The following CMTR1 variants were observed in gnomAD, a reference collection of about 807,000 sequenced individuals.
CMTR1 encodes the protein cap methyltransferase 1.
In CMTR1, 39 loss-of-function variants were observed where a neutral mutation model predicts 107.0. That is an observed-to-expected ratio of 0.36 (90% CI 0.28 to 0.48). CMTR1 has a LOEUF of 0.48. Among genes scored for constraint, CMTR1 ranks in the 20% least tolerant of loss-of-function variants. CMTR1 has a pLI of 0.99. For missense variants in CMTR1, 672 were observed against 1,064.9 expected (o/e 0.63, Z 5.14); for synonymous variants, 366 against 379.5 (o/e 0.96, Z 0.41).
intron 4 of CMTR1, among the ~76,000 whole-genome samples, chr6:37,448,210 CAA>C (rs11397206): frequency 1.8e-4 from 16 of 91,096 alleles, no homozygotes; most frequent in African/African-American, 4.9e-4. Context: ...GATTCCGTCT[CAA>C]AAAAAAAAAA....
chr6:37,469,597 G>A (rs931781093), intron 13 of CMTR1, among the ~76,000 whole-genome samples: 5 of 131,468 alleles, frequency 3.8e-5, no homozygotes, highest in Non-Finnish European at 7.8e-5. Context: ...GTGTGATCTC[G>A]GCTCGCTGCC....
At chr6:37,460,426 C>T (rs1761379223) in intron 10 of CMTR1, among the ~76,000 whole-genome samples, 1 of 152,038 alleles carries the variant, frequency 6.6e-6, no homozygotes, top group African/African-American at 2.4e-5. Context: ...ATGTGGGAGT[C>T]TGATAGCGCT....
At chr6:37,463,367 G>A (rs1761440093) in intron 13 of CMTR1, among the ~76,000 whole-genome samples, 1 of 152,194 alleles carries the variant, frequency 6.6e-6, no homozygotes, top group Admixed American at 6.5e-5. Context: ...GTTGCCTGGT[G>A]AAGTCCCTGT....
At chr6:37,439,772 C>T (rs1396369859) in intron 2 of CMTR1, among the ~76,000 whole-genome samples, 2 of 152,076 alleles carry the variant, frequency 1.3e-5, no homozygotes, top group South Asian at 2.1e-4. Context: ...TGGAGCTGCC[C>T]CTCTTTGTTG....
chr6:37,451,885 C>A lies in CMTR1; in HGVS notation c.609+8C>A, dbSNP rs764973624. The stretch of plus-strand genomic sequence containing the variant: ...AGTGTGTTGCAGTGTAAGGTAAGGT[C>A]TTGTGGCTAGAACCAGATAATGAAA... On this transcript the variant is annotated splice_region_variant and intron_variant, in intron 6 of 23. Transcript: ENST00000373451. 5.0e-6 allele frequency: 8 copies of A among 1,609,684 alleles called. No individual in the cohort carries two copies. The African/African-American group carries it at 9.4e-5, about 19-fold the overall frequency.
chr6:37,443,240 C>T (rs541719793), intron 2 of CMTR1, among the ~76,000 whole-genome samples: 17 of 152,118 alleles, frequency 1.1e-4, no homozygotes, highest in Non-Finnish European at 2.2e-4. Context: ...ATAATGGAAT[C>T]GTTGAAAATG....
intron 8 of CMTR1, among the ~76,000 whole-genome samples, chr6:37,455,316 T>C (rs1761269316): frequency 6.6e-6 from 1 of 152,142 alleles, no homozygotes; most frequent in Non-Finnish European, 1.5e-5. Flanking sequence ...CGACCTAAGG[T>C]GATCCGCCTG....
intron 11 of CMTR1, 51 bp from the exon 12 acceptor site, chr6:37,461,919 T>C: frequency 6.3e-7 from 1 of 1,594,510 alleles, no homozygotes; most frequent in Non-Finnish European, 8.6e-7. Context: ...ACTTCACCCA[T>C]CTCTTGGAAT....
intron 21 of CMTR1, 30 bp downstream of exon 21, chr6:37,477,669 T>A: frequency 6.4e-7 from 1 of 1,567,446 alleles, no homozygotes; most frequent in Non-Finnish European, 8.7e-7. Flanking sequence ...AAGCTCAGAT[T>A]CAAGAGGAGG....
At chr6:37,473,423 G>T in intron 16 of CMTR1, 47 bp from the exon 17 acceptor site, 1 of 1,592,728 alleles carries the variant, frequency 6.3e-7, no homozygotes, top group Non-Finnish European at 8.6e-7. Flanking sequence ...CACCCATACT[G>T]TCCCTTCCCC....
In CMTR1 at chr6:37,480,963, C is replaced by A; in HGVS notation, c.*818C>A. 7.9e-7 allele frequency: 1 copy of A among 1,265,918 alleles called. No individual in the cohort carries two copies. Among genetic ancestry groups the A allele is most frequent in the Admixed American group, 2.5e-5 (1 of 39,756 alleles). The allele number at this position is 1,265,918 out of a possible 1,614,324, so 78.4% of individuals were successfully genotyped here. A position where few individuals can be genotyped will look rare whatever the true frequency, so the allele number is the denominator to read the frequency against. On this transcript the variant is annotated 3_prime_UTR_variant, in exon 24 of 24. Transcript: ENST00000373451. Reference sequence around the variant, plus strand: ...CTTTCCCCCACAGCAGCAGGGGCCCCAGCAGTAACAAAGGGTACCTCCAGG... The same window carrying A: ...CTTTCCCCCACAGCAGCAGGGGCCCAAGCAGTAACAAAGGGTACCTCCAGG...
At chr6:37,475,440 G>T in intron 19 of CMTR1, 28 bp downstream of exon 19, 3 of 1,535,514 alleles carry the variant, frequency 2.0e-6, no homozygotes, top group South Asian at 2.3e-5. Flanking sequence ...GGGTAGGGAG[G>T]GTGGGGGTAG....
Position 37,472,779 on chromosome 6 carries a change from C to T in CMTR1, c.1689+292C>T, listed in dbSNP as rs1383452457. On this transcript the variant is annotated intron_variant, in intron 16 of 23. Transcript: ENST00000373451. The surrounding 1 kb of genome is among the most constrained non-coding windows in gnomAD (Gnocchi z 4.1). ...GTGTCACCCTGGCAAGTTCAGGGTCCTGTGGGATTTGCCTACAAAGGAGAC... is the reference window on the plus strand; with the variant it reads ...GTGTCACCCTGGCAAGTTCAGGGTCTTGTGGGATTTGCCTACAAAGGAGAC... 6.6e-6 allele frequency among the ~76,000 whole-genome samples: 1 copy of T among 152,206 alleles called. No homozygotes were observed. The highest frequency in any genetic ancestry group is 2.4e-5 in the African/African-American group (1 of 41,442).
chr6:37,475,120 C>T (rs1161442315), intron 18 of CMTR1, among the ~76,000 whole-genome samples: 1 of 152,206 alleles, frequency 6.6e-6, no homozygotes, highest in African/African-American at 2.4e-5. Flanking sequence ...CACCCAATGC[C>T]TTGGATCTTA....
chr6:37,452,350 C>G (rs1761196987), intron 6 of CMTR1, among the ~76,000 whole-genome samples: 1 of 152,116 alleles, frequency 6.6e-6, no homozygotes, highest in African/African-American at 2.4e-5. Flanking sequence ...TGTGAAGTAC[C>G]TGGGTAAATG....
Position 37,480,771 on chromosome 6 carries a change from G to A in CMTR1, c.*626G>A. ...CAGAGCTCTGACAGTCCAGCAGGGTGGGAAGGAGGGAGTTTGGGCAAACTC... is the reference window on the plus strand; with the variant it reads ...CAGAGCTCTGACAGTCCAGCAGGGTAGGAAGGAGGGAGTTTGGGCAAACTC... On this transcript the variant is annotated 3_prime_UTR_variant, in exon 24 of 24. Transcript: ENST00000373451. The A allele has an allele frequency of 9.2e-7, 1 of 1,089,706 alleles. No individual in the cohort carries two copies. The highest frequency in any genetic ancestry group is 1.1e-6 in the Non-Finnish European group (1 of 892,130). The allele number at this position is 1,089,706 out of a possible 1,614,324, so 67.5% of individuals were successfully genotyped here.
At position 37,476,174 on chromosome 6, in the gene CMTR1, G is replaced by A. The variant is rs9462313; in HGVS notation, c.2085G>A (p.Arg695=). 75,379 of 1,613,858 alleles carry A rather than the reference G, an allele frequency of 0.047. 3,014 individuals carry two copies. The highest frequency in any genetic ancestry group is 0.21 in the African/African-American group (15,604 of 74,902). ...TGAAAGCCGTTTCCAAGCCTAGTCGGCCCGACATGAATCCCATCAGGTGAG... is the reference window on the plus strand; with the variant it reads ...TGAAAGCCGTTTCCAAGCCTAGTCGACCCGACATGAATCCCATCAGGTGAG... ...KFVKAVSKPS[R]PDMNPIRVKE... The change falls in exon 20 of 24, where the codon CGG becomes CGA. Residue 695 remains arginine (R), a synonymous_variant. Transcript: ENST00000373451.
the CMTR1 span, among the ~76,000 whole-genome samples, chr6:37,426,689 A>G: frequency 6.6e-6 from 1 of 152,078 alleles, no homozygotes; most frequent in South Asian, 2.1e-4. Context: ...ATGCACCACC[A>G]CACGTGGCCA....
At position 37,458,819 on chromosome 6, in the gene CMTR1, A is replaced by T. The variant is rs1230526990; in HGVS notation, c.976+9A>T. The T allele has an allele frequency of 6.2e-7, 1 of 1,612,250 alleles. No individual in the cohort carries two copies. Among genetic ancestry groups the T allele is most frequent in the African/African-American group, 1.3e-5 (1 of 74,996 alleles). Reference sequence around the variant, plus strand: ...CTTCGAACCCTACTATGGTAGGGACATTGAGGAGGGTACTAGGAGGTATGA... The same window carrying T: ...CTTCGAACCCTACTATGGTAGGGACTTTGAGGAGGGTACTAGGAGGTATGA... On this transcript the variant is annotated intron_variant, in intron 9 of 23. Transcript: ENST00000373451. This position sits in a 1 kb window ranked among gnomAD's most constrained non-coding sequence, Gnocchi z 4.7.
Sources: allele counts gnomAD v4.1 joint callset (sites outside exome capture counted in the v4.1 genomes callset), GRCh38; gene constraint gnomAD v4.1.1; non-coding constraint Gnocchi (gnomAD v3.1); transcripts MANE v1.5; gene names NCBI Gene and HGNC (gene_info 2026-07-23, HGNC 2026-07-21).